HIVEP3: variants seen among roughly 807,000 people sequenced by gnomAD.
HIVEP3 encodes the protein transcription factor HIVEP3.
Under a neutral mutation model 152.8 loss-of-function variants are expected in HIVEP3, and 49 were observed. The ratio of observed to expected loss-of-function variants is 0.32; its 90% CI spans 0.26 to 0.41. The LOEUF (loss-of-function observed/expected upper bound fraction) is 0.41. Ranked by LOEUF, HIVEP3 falls within the 10% of genes least tolerant of loss-of-function variation. The probability of loss-of-function intolerance (pLI) is 1.00; values close to 1 mark genes in which losing one functional copy is unlikely to be tolerated. For synonymous variants in HIVEP3, 1,269 were observed against 1,289.0 expected, an observed-to-expected ratio of 0.98 and a Z score of 0.33; for missense variants, 2,790 against 3,103.3, an observed-to-expected ratio of 0.90 and a Z score of 2.40.
At chr1:41,948,154 T>C (rs1217321906) in intron 1 of HIVEP3, among the ~76,000 whole-genome samples, 1 of 152,200 alleles carries the variant, frequency 6.6e-6, no homozygotes, top group African/African-American at 2.4e-5. Flanking sequence ...GGAAGTTCCT[T>C]CGTAGAAAAA....
intron 2 of HIVEP3, among the ~76,000 whole-genome samples, chr1:41,630,543 TA>T (rs1406176341): frequency 2.0e-5 from 3 of 152,160 alleles, no homozygotes; most frequent in African/African-American, 7.2e-5. Flanking sequence ...TGGAGGGTTG[TA>T]TGGAAAGGAT....
chr1:41,686,057 GTTTGTTTTGT>G (rs776149209), intron 2 of HIVEP3, among the ~76,000 whole-genome samples: 31 of 150,586 alleles, frequency 2.1e-4, no homozygotes, highest in Admixed American at 7.9e-4. Context: ...TTGTTTGTTT[GTTTGTTTTGT>G]TTTGTTTTGT....
rs983355648 is a variant in HIVEP3, at chr1:42,016,245, T to C, written n.119+19562A>G. On this transcript the variant is annotated intron_variant and non_coding_transcript_variant, in intron 1 of 3. Transcript: ENST00000489103. ...GTTTAAATTATTTCCAATAAGAAAG[T>C]ATCTGTGTTCTGTATACAAACGAAA... is the stretch of plus-strand genomic sequence containing the variant. Among the ~76,000 whole-genome samples the C allele has an allele frequency of 2.0e-5, 3 of 152,238 alleles. No homozygotes were observed. In the South Asian group the frequency reaches 6.2e-4, roughly 32 times the overall value.
At chr1:41,656,571 T>C (rs1156799487) in intron 2 of HIVEP3, among the ~76,000 whole-genome samples, 2 of 152,132 alleles carry the variant, frequency 1.3e-5, no homozygotes, top group African/African-American at 4.8e-5. Flanking sequence ...GTATTTGAAC[T>C]TGGGCACTGA....
At chr1:41,840,837 G>A (rs1327876268) in intron 1 of HIVEP3, among the ~76,000 whole-genome samples, 1 of 152,166 alleles carries the variant, frequency 6.6e-6, no homozygotes, top group Non-Finnish European at 1.5e-5. Context: ...GAAGGAGCCA[G>A]GAGACTCAAG....
intron 3 of HIVEP3, among the ~76,000 whole-genome samples, chr1:41,600,475 T>C (rs961333063): frequency 6.6e-6 from 1 of 152,330 alleles, no homozygotes; most frequent in South Asian, 2.1e-4. Flanking sequence ...AAATACTGCA[T>C]AATTTCACTT....
At chr1:41,953,704 C>G (rs565435211) in intron 1 of HIVEP3, among the ~76,000 whole-genome samples, 3 of 152,210 alleles carry the variant, frequency 2.0e-5, no homozygotes, top group Non-Finnish European at 4.4e-5. Context: ...CTCTCTTGCT[C>G]TACATACTTT....
At chr1:41,519,760 G>T (rs145907124) in intron 6 of HIVEP3, among the ~76,000 whole-genome samples, 11 of 152,286 alleles carry the variant, frequency 7.2e-5, no homozygotes, top group Non-Finnish European at 1.5e-4. Flanking sequence ...AGAACAGGAA[G>T]AGGATAGACA....
At chr1:41,799,066 A>C (rs943918723) in intron 1 of HIVEP3, among the ~76,000 whole-genome samples, 1 of 152,184 alleles carries the variant, frequency 6.6e-6, no homozygotes, top group African/African-American at 2.4e-5. Flanking sequence ...AGAACCTTTA[A>C]TATCCTGATG....
intron 5 of HIVEP3, among the ~76,000 whole-genome samples, chr1:41,529,237 C>T (rs149305738): frequency 1.8e-3 from 221 of 125,746 alleles, no homozygotes; most frequent in South Asian, 3.8e-3. Context: ...CACATGCTCA[C>T]ACCCCCACTC....
At chr1:41,917,085 C>T (rs974880142) in intron 1 of HIVEP3, among the ~76,000 whole-genome samples, 1 of 152,038 alleles carries the variant, frequency 6.6e-6, no homozygotes, top group Non-Finnish European at 1.5e-5. Context: ...TCCTCCTTGC[C>T]CCCACTCTCT....
At chr1:41,545,063 C>CACCTCT (rs1643705984) in intron 5 of HIVEP3, among the ~76,000 whole-genome samples, 2 of 119,190 alleles carry the variant, frequency 1.7e-5, no homozygotes, top group African/African-American at 6.1e-5. Context: ...CCATCACTAC[C>CACCTCT]ACCACCACCA....
intron 1 of HIVEP3, among the ~76,000 whole-genome samples, chr1:41,789,465 T>C (rs1186864319): frequency 6.6e-6 from 1 of 152,256 alleles, no homozygotes; most frequent in Non-Finnish European, 1.5e-5. Context: ...TTACACTTGA[T>C]CTTAGCCAGA....
rs1645377274 is a variant in HIVEP3, at chr1:41,993,675, A to T, written n.119+42132T>A. Reference sequence around the variant, plus strand: ...GTATATACCCAAAGGACTATAAATCATGCTGCTATAAAGACACATGCACAC... The same window carrying T: ...GTATATACCCAAAGGACTATAAATCTTGCTGCTATAAAGACACATGCACAC... On this transcript the variant is annotated intron_variant and non_coding_transcript_variant, in intron 1 of 3. Coordinates refer to the HIVEP3 transcript ENST00000489103. Among the ~76,000 whole-genome samples, 5 of 152,098 alleles carry T rather than the reference A, an allele frequency of 3.3e-5. No individual in the cohort carries two copies. In the South Asian group the frequency reaches 1.0e-3, roughly 32 times the overall value.
intron 1 of HIVEP3, among the ~76,000 whole-genome samples, chr1:41,798,292 A>G (rs955773707): frequency 1.3e-5 from 2 of 151,912 alleles, no homozygotes; most frequent in Non-Finnish European, 2.9e-5. Flanking sequence ...GTATAATTAA[A>G]AAAAAAAAAA....
intron 1 of HIVEP3, among the ~76,000 whole-genome samples, chr1:42,034,442 G>C (rs1414837743): frequency 1.3e-5 from 2 of 152,174 alleles, no homozygotes; most frequent in Admixed American, 1.3e-4. Context: ...GATTATTATA[G>C]AAACACTATT....
rs567685135 is a variant in HIVEP3 at position 41,992,279 on chromosome 1, C to T, written n.119+43528G>A. ...TGACTCAGCCCAAAATCTCCTTAAG[C>T]GATAAGCAACTTCAGCAAAGTCTCA... On this transcript the variant is annotated intron_variant and non_coding_transcript_variant, in intron 1 of 3. Transcript: ENST00000489103. Among the ~76,000 whole-genome samples, 74 of 152,138 alleles carry T rather than the reference C, an allele frequency of 4.9e-4. 1 individual carries two copies. In the South Asian group the frequency reaches 0.014, roughly 28 times the overall value.
intron 4 of HIVEP3, among the ~76,000 whole-genome samples, chr1:41,577,003 C>A (rs1644336569): frequency 6.6e-6 from 1 of 152,162 alleles, no homozygotes; most frequent in South Asian, 2.1e-4. Flanking sequence ...ATTTCCACTG[C>A]ACCCCGGCCT....
At chr1:41,898,994 A>G (rs1335844173) in intron 1 of HIVEP3, among the ~76,000 whole-genome samples, 1 of 152,242 alleles carries the variant, frequency 6.6e-6, no homozygotes, top group Non-Finnish European at 1.5e-5. Context: ...TTTGCCACTG[A>G]GGTCTGCACA....
Sources: allele counts gnomAD v4.1 joint callset (sites outside exome capture counted in the v4.1 genomes callset), GRCh38; gene constraint gnomAD v4.1.1; transcripts MANE v1.5; gene names NCBI Gene and HGNC (gene_info 2026-07-23, HGNC 2026-07-21).